The following PPP4R2 variants were observed in gnomAD, a reference collection of about 807,000 sequenced individuals.
The protein encoded by PPP4R2 is protein phosphatase 4 regulatory subunit 2, also known as serine/threonine-protein phosphatase 4 regulatory subunit 2.
In PPP4R2, 13 loss-of-function variants were observed where a neutral mutation model predicts 47.2. That is an observed-to-expected ratio of 0.28 (90% CI 0.18 to 0.44). The LOEUF (loss-of-function observed/expected upper bound fraction) is 0.44. Among genes scored for constraint, PPP4R2 ranks in the 20% least tolerant of loss-of-function variants. PPP4R2 has a pLI of 1.00. For missense variants in PPP4R2, 421 were observed against 491.2 expected, an observed-to-expected ratio of 0.86 and a Z score of 1.35; for synonymous variants, 151 against 163.3, an observed-to-expected ratio of 0.92 and a Z score of 0.57.
intron 5 of PPP4R2, chr3:73,062,090 T>C (rs1221526448): frequency 6.5e-7 from 1 of 1,538,294 alleles, no homozygotes; most frequent in Non-Finnish European, 8.7e-7. Flanking sequence ...TAATGGGTTA[T>C]TTTCTTAAAT....
chr3:73,048,321 C>T (rs556733353), intron 3 of PPP4R2, among the ~76,000 whole-genome samples: 4 of 152,290 alleles, frequency 2.6e-5, no homozygotes, highest in Non-Finnish European at 5.9e-5. Flanking sequence ...GGCATGATCT[C>T]GGCTCACCGC....
intron 5 of PPP4R2, chr3:73,062,651 G>C: frequency 1.9e-6 from 3 of 1,613,978 alleles, no homozygotes; most frequent in Non-Finnish European, 2.5e-6. Context: ...GTGACCTTTT[G>C]ATAGGCATTG....
Position 73,059,136 on chromosome 3 carries a change from T to G in PPP4R2, c.381+6T>G, listed in dbSNP as rs1702790499. 2 of 1,380,110 alleles carry G rather than the reference T, an allele frequency of 1.4e-6. No individual in the cohort carries two copies. The highest frequency in any genetic ancestry group is 2.0e-6 in the Non-Finnish European group (2 of 987,792). The allele number at this position is 1,380,110 out of a possible 1,614,324, so 85.5% of individuals were successfully genotyped here. ...TTCTCAGAGGAGTAGAAAAGGTATT[T>G]ATTTTATTATTGGAATTATATTATG... is the stretch of plus-strand genomic sequence containing the variant. On this transcript the variant is annotated splice_donor_region_variant and intron_variant, in intron 4 of 8. Transcript: ENST00000356692.
chr3:73,006,470 G>T (rs1167296544), intron 2 of PPP4R2, among the ~76,000 whole-genome samples: 2 of 152,100 alleles, frequency 1.3e-5, no homozygotes, highest in African/African-American at 4.8e-5. Context: ...GATTACAGGC[G>T]TGAGCCACCA....
intron 2 of PPP4R2, among the ~76,000 whole-genome samples, chr3:73,019,960 GCTT>G (rs1279509410): frequency 6.6e-6 from 1 of 151,910 alleles, no homozygotes; most frequent in African/African-American, 2.4e-5. Context: ...CAAGGTGTAG[GCTT>G]CTTCTAGAGG....
chr3:73,066,239 C>CATACATAT lies in PPP4R2; in HGVS notation c.*520_*521insCATATATA, dbSNP rs1553652539. 3,329 of 134,078 alleles carry CATACATAT rather than the reference C, an allele frequency of 0.025. 143 individuals carry two copies. The highest frequency in any genetic ancestry group is 0.086 in the African/African-American group (3,144 of 36,542). 8.3% of individuals were successfully genotyped at this position (134,078 alleles called of 1,614,324 possible). A position where few individuals can be genotyped will look rare whatever the true frequency, so the allele number is the denominator to read the frequency against. On this transcript the variant is annotated 3_prime_UTR_variant, in exon 9 of 9. Coordinates refer to ENST00000356692, the MANE Select transcript of PPP4R2 (RefSeq NM_174907.4). ...TGGAACTTTAAGTCATATATACATA[C>CATACATAT]ATATATATATATATATATATATAAT...
chr3:73,038,300 G>A (rs898930921), intron 2 of PPP4R2, among the ~76,000 whole-genome samples: 1 of 152,156 alleles, frequency 6.6e-6, no homozygotes, highest in Non-Finnish European at 1.5e-5. Flanking sequence ...AGTCATCTTT[G>A]GTACAGCACT....
chr3:72,997,255 C>A (rs1701366672), intron 1 of PPP4R2, 184 bp downstream of exon 1: 5 of 434,728 alleles, frequency 1.2e-5, no homozygotes, highest in Non-Finnish European at 2.0e-5. Context: ...TCCCGCCCCG[C>A]TCTGGCTTTG....
chr3:73,030,612 AT>A (rs57682305), intron 2 of PPP4R2, among the ~76,000 whole-genome samples: 27,118 of 142,744 alleles, frequency 0.19, 3,176 homozygotes, highest in East Asian at 0.36. Context: ...GATTACGTTG[AT>A]TTTTTTTTTT....
intron 2 of PPP4R2, among the ~76,000 whole-genome samples, chr3:73,003,216 TG>T (rs1559544987): frequency 3.2e-5 from 4 of 126,042 alleles, no homozygotes; most frequent in African/African-American, 9.2e-5. Context: ...CTTTCCCTTT[TG>T]TTTTTTTTTT....
At chr3:73,017,008 G>A (rs1481407221) in intron 2 of PPP4R2, among the ~76,000 whole-genome samples, 1 of 151,696 alleles carries the variant, frequency 6.6e-6, no homozygotes, top group African/African-American at 2.4e-5. Context: ...TGTATTTTTA[G>A]TACAGATAGG....
chr3:73,044,344 T>G (rs918931997), intron 2 of PPP4R2, among the ~76,000 whole-genome samples: 5 of 152,066 alleles, frequency 3.3e-5, no homozygotes, highest in Non-Finnish European at 5.9e-5. Context: ...TCACGCACTT[T>G]GGGAGGCTGA....
intron 2 of PPP4R2, among the ~76,000 whole-genome samples, chr3:73,033,915 G>T (rs1200572366): frequency 1.3e-5 from 2 of 152,136 alleles, no homozygotes; most frequent in Admixed American, 1.3e-4. Context: ...CTTCTTTTGG[G>T]TATACACCTA....
chr3:72,999,441 G>A (rs1251155233), intron 2 of PPP4R2, among the ~76,000 whole-genome samples: 1 of 152,038 alleles, frequency 6.6e-6, no homozygotes, highest in Admixed American at 6.6e-5. Flanking sequence ...ATTGCTAGTC[G>A]GCACAGACTT....
At chr3:73,058,919 T>G (rs930118896) in intron 3 of PPP4R2, 118 bp from the exon 4 acceptor site, 1 of 589,084 alleles carries the variant, frequency 1.7e-6, no homozygotes, top group Non-Finnish European at 2.9e-6. Context: ...TTATAGCATT[T>G]TCTTTTGTAG....
chr3:73,051,568 G>A (rs922484120), intron 3 of PPP4R2, among the ~76,000 whole-genome samples: 2 of 152,104 alleles, frequency 1.3e-5, no homozygotes, highest in Non-Finnish European at 2.9e-5. Flanking sequence ...GTATTTTGCC[G>A]TAAGAAAGAT....
intron 2 of PPP4R2, among the ~76,000 whole-genome samples, chr3:73,020,672 T>TAAAAAAA (rs1553646728): frequency 2.3e-5 from 3 of 133,206 alleles, no homozygotes; most frequent in Non-Finnish European, 3.1e-5. Flanking sequence ...CCTGTCTCTT[T>TAAAAAAA]AAAAAAAAAA....
At chr3:73,056,473 A>G (rs2107328571) in intron 3 of PPP4R2, among the ~76,000 whole-genome samples, 1 of 152,316 alleles carries the variant, frequency 6.6e-6, no homozygotes, top group Admixed American at 6.5e-5. Context: ...TCATACTAAT[A>G]TTTCCAGTGG....
chr3:73,023,181 CT>C (rs10714217), intron 2 of PPP4R2, among the ~76,000 whole-genome samples: 77,943 of 150,084 alleles, frequency 0.52, 20,461 homozygotes, highest in South Asian at 0.6. Context: ...TTTTCTTTTC[CT>C]TTTTTTTGTT....
Sources: gnomAD v4.1 joint callset for allele counts (sites outside exome capture counted in the v4.1 genomes callset) on GRCh38, gnomAD v4.1.1 for gene constraint, MANE v1.5 for transcripts, NCBI Gene and HGNC (gene_info 2026-07-23, HGNC 2026-07-21) for gene names.